The following PPM1L variants were observed in gnomAD, a reference collection of about 807,000 sequenced individuals.
The protein encoded by PPM1L is protein phosphatase, Mg2+/Mn2+ dependent 1L, also known as protein phosphatase 1L.
In PPM1L, 13 loss-of-function variants were observed where a neutral mutation model predicts 31.4. That is an observed-to-expected ratio of 0.41 (90% CI 0.27 to 0.66). PPM1L has a LOEUF of 0.66. Among genes scored for constraint, PPM1L ranks in the 30% least tolerant of loss-of-function variants. The pLI, the probability that PPM1L is intolerant of heterozygous loss-of-function variation, is 0.29. For missense variants in PPM1L, 326 were observed against 453.7 expected, an observed-to-expected ratio of 0.72 and a Z score of 2.56; for synonymous variants, 184 against 175.4, an observed-to-expected ratio of 1.05 and a Z score of -0.39.
At chr3:160,863,486 T>C (rs1330096424) in intron 1 of PPM1L, among the ~76,000 whole-genome samples, 1 of 152,230 alleles carries the variant, frequency 6.6e-6, no homozygotes, top group African/African-American at 2.4e-5. Context: ...TTTTGTTGTC[T>C]GGAGAAAGCT....
intron 1 of PPM1L, among the ~76,000 whole-genome samples, chr3:160,903,195 T>TGTGTG (rs1347225743): frequency 2.6e-5 from 1 of 37,914 alleles, no homozygotes; most frequent in Non-Finnish European, 6.0e-5. Context: ...GTGTGTGTGG[T>TGTGTG]ATGTGTGTAT....
chr3:160,765,365 C>T (rs966662072), intron 1 of PPM1L, among the ~76,000 whole-genome samples: 3 of 152,210 alleles, frequency 2.0e-5, no homozygotes, highest in Non-Finnish European at 2.9e-5. Flanking sequence ...TATGTGGACA[C>T]TGCCTAGTCT....
intron 1 of PPM1L, among the ~76,000 whole-genome samples, chr3:160,874,070 AAT>A (rs1243798263): frequency 6.6e-6 from 1 of 152,028 alleles, no homozygotes; most frequent in East Asian, 1.9e-4. Flanking sequence ...ATCTGGCATG[AAT>A]TCTTTGTTAT....
intron 1 of PPM1L, among the ~76,000 whole-genome samples, chr3:160,915,784 A>C (rs759143867): frequency 1.4e-4 from 21 of 152,210 alleles, no homozygotes; most frequent in Non-Finnish European, 2.5e-4. Context: ...TCTTTGATAA[A>C]CCTGACAAAA....
intron 1 of PPM1L, among the ~76,000 whole-genome samples, chr3:160,785,044 A>G (rs1711863362): frequency 6.6e-6 from 1 of 152,168 alleles, no homozygotes; most frequent in Admixed American, 6.5e-5. Context: ...TGTTGCTCAT[A>G]TTTGAAGACT....
chr3:160,898,916 G>A (rs1451090566), intron 1 of PPM1L, among the ~76,000 whole-genome samples: 1 of 152,214 alleles, frequency 6.6e-6, no homozygotes, highest in Non-Finnish European at 1.5e-5. Context: ...GTATTGCCAA[G>A]TAGCTAGCAG....
chr3:161,043,550 C>A (rs898335173), intron 2 of PPM1L, among the ~76,000 whole-genome samples: 3 of 152,206 alleles, frequency 2.0e-5, no homozygotes. Flanking sequence ...TGCCCCACTT[C>A]TAGGGTGGTG....
At chr3:161,011,291 TG>T (rs1576781731) in intron 2 of PPM1L, among the ~76,000 whole-genome samples, 1 of 152,362 alleles carries the variant, frequency 6.6e-6, no homozygotes, top group East Asian at 1.9e-4. Flanking sequence ...CCCCATTTCT[TG>T]TTTTTGTCAG....
At chr3:161,021,536 G>A (rs1200325171) in intron 2 of PPM1L, among the ~76,000 whole-genome samples, 1 of 151,616 alleles carries the variant, frequency 6.6e-6, no homozygotes, top group Non-Finnish European at 1.5e-5. Flanking sequence ...TAGGTCTAGT[G>A]GTTTTCTAGT....
At chr3:160,875,603 A>AGTTATTGAGGATTTACTATGTGCAAG (rs1381091656) in intron 1 of PPM1L, among the ~76,000 whole-genome samples, 1 of 152,232 alleles carries the variant, frequency 6.6e-6, no homozygotes, top group Non-Finnish European at 1.5e-5. Flanking sequence ...AATAGCTAGA[A>AGTTATTGAGGATTTACTATGTGCAAG]GTTATTGAGG....
At chr3:160,760,951 C>T (rs193238597) in intron 1 of PPM1L, among the ~76,000 whole-genome samples, 47 of 152,274 alleles carry the variant, frequency 3.1e-4, no homozygotes, top group Admixed American at 5.9e-4. Context: ...ATACTTCAAG[C>T]GCTTGCCAGG....
intron 1 of PPM1L, among the ~76,000 whole-genome samples, chr3:160,822,765 G>C (rs1713238800): frequency 6.6e-6 from 1 of 152,078 alleles, no homozygotes; most frequent in Non-Finnish European, 1.5e-5. Context: ...TGGCTGGGCT[G>C]ACCACAGGTG....
At position 161,069,174 on chromosome 3, in the gene PPM1L, A is replaced by C; in HGVS notation, c.*17A>C. 1.7e-5 allele frequency: 27 copies of C among 1,581,236 alleles called. No homozygotes were observed. The highest frequency in any genetic ancestry group is 2.1e-5 in the Non-Finnish European group (24 of 1,158,110). On this transcript the variant is annotated 3_prime_UTR_variant, in exon 4 of 4. Coordinates refer to ENST00000498165, the MANE Select transcript of PPM1L (RefSeq NM_139245.4). Reference sequence around the variant, plus strand: ...GAGCAGTGAACCCTTCAGGGGTCTCAGCTGCCTTAGACTAAAGGACTTTCA... The same window carrying C: ...GAGCAGTGAACCCTTCAGGGGTCTCCGCTGCCTTAGACTAAAGGACTTTCA...
intron 1 of PPM1L, among the ~76,000 whole-genome samples, chr3:160,915,086 G>A (rs1048657075): frequency 1.3e-5 from 2 of 152,074 alleles, no homozygotes; most frequent in African/African-American, 2.4e-5. Flanking sequence ...GGAAATAAAG[G>A]GTATTCAATT....
At position 161,074,305 on chromosome 3, in the gene PPM1L, G is replaced by A. The variant is rs1037111023; in HGVS notation, c.*5148G>A. The stretch of plus-strand genomic sequence containing the variant: ...ATGTTATCTCTTGCCTAAAATGTGA[G>A]GCCTTCCTGTAGTTCCACAGTAGTT... On this transcript the variant is annotated 3_prime_UTR_variant, in exon 4 of 4. Transcript: ENST00000498165. The A allele has an allele frequency of 9.2e-5, 14 of 152,122 alleles. No individual in the cohort carries two copies. The highest frequency in any genetic ancestry group is 1.9e-4 in the Non-Finnish European group (13 of 68,042). The allele number at this position is 152,122 out of a possible 1,614,324, so 9.4% of individuals were successfully genotyped here.
chr3:161,030,465 G>A (rs914432904), intron 2 of PPM1L, among the ~76,000 whole-genome samples: 5 of 152,052 alleles, frequency 3.3e-5, no homozygotes, highest in African/African-American at 4.8e-5. Flanking sequence ...TGGACTTCCC[G>A]GCCTCTAGAA....
intron 1 of PPM1L, among the ~76,000 whole-genome samples, chr3:160,772,405 G>A (rs1715281270): frequency 1.3e-5 from 2 of 152,210 alleles, no homozygotes; most frequent in Non-Finnish European, 2.9e-5. Context: ...GGCAACAGGA[G>A]TGCTTGGCTG....
At chr3:160,757,441 C>G (rs529398127) in intron 1 of PPM1L, among the ~76,000 whole-genome samples, 1 of 152,382 alleles carries the variant, frequency 6.6e-6, no homozygotes, top group East Asian at 1.9e-4. Flanking sequence ...GGGGTGCAGA[C>G]GTCGTCCTGC....
At chr3:160,914,945 G>A (rs1197974974) in intron 1 of PPM1L, among the ~76,000 whole-genome samples, 1 of 152,182 alleles carries the variant, frequency 6.6e-6, no homozygotes, top group East Asian at 1.9e-4. Flanking sequence ...ATCCTCTCCA[G>A]CACCTGTTGT....
Sources: gnomAD v4.1 joint callset for allele counts (sites outside exome capture counted in the v4.1 genomes callset) on GRCh38, gnomAD v4.1.1 for gene constraint, MANE v1.5 for transcripts, NCBI Gene and HGNC (gene_info 2026-07-23, HGNC 2026-07-21) for gene names.